ZNF675: variants seen among roughly 807,000 people sequenced by gnomAD.
ZNF675 encodes TRAF6 inhibitory zinc finger.
A neutral mutation model predicts 56.1 loss-of-function variants in ZNF675; 36 were observed. The observed-to-expected ratio is 0.64, with a 90% CI of 0.49 to 0.85. The LOEUF (loss-of-function observed/expected upper bound fraction) is 0.85, where lower values mean the gene tolerates loss of function less well. ZNF675 is among the 40% of genes least tolerant of loss of function. The probability of loss-of-function intolerance (pLI) is 0.00; values close to 1 mark genes in which losing one functional copy is unlikely to be tolerated. For synonymous variants in ZNF675, 200 were observed against 218.9 expected, an observed-to-expected ratio of 0.91 and a Z score of 0.76; for missense variants, 663 against 654.2, an observed-to-expected ratio of 1.01 and a Z score of -0.15.
At chr19:23,678,818 T>C (rs951701637) in intron 1 of ZNF675, among the ~76,000 whole-genome samples, 1 of 151,544 alleles carries the variant, frequency 6.6e-6, no homozygotes, top group Non-Finnish European at 1.5e-5. Context: ...CAAAGAGAAA[T>C]ACAGGAATAA....
At chr19:23,682,716 G>C (rs759110606) in intron 1 of ZNF675, among the ~76,000 whole-genome samples, 34 of 151,758 alleles carry the variant, frequency 2.2e-4, no homozygotes, top group Non-Finnish European at 4.0e-4. Flanking sequence ...TTTCATGTCT[G>C]AGTTATTCAC....
Position 23,662,938 on chromosome 19 carries a change from C to T in ZNF675, c.130+94G>A, listed in dbSNP as rs1599413268. On this transcript the variant is annotated intron_variant, in intron 2 of 3. Coordinates refer to ENST00000359788, the MANE Select transcript of ZNF675 (RefSeq NM_138330.3). ...GGCGGAGGTTGCAGTGAGCCAAGAT[C>T]GCACCACTGCACTCTAGCCTGGTGA... 3.1e-5 allele frequency: 37 copies of T among 1,206,394 alleles called. No homozygotes were observed. In the East Asian group the frequency reaches 9.0e-4, roughly 29 times the overall value. 74.7% of individuals were successfully genotyped at this position (1,206,394 alleles called of 1,614,324 possible). A position where few individuals can be genotyped will look rare whatever the true frequency, so the allele number is the denominator to read the frequency against.
chr19:23,675,982 CA>C (rs34823777), intron 1 of ZNF675, among the ~76,000 whole-genome samples: 113,164 of 134,666 alleles, frequency 0.84, 47,463 homozygotes, highest in Admixed American at 0.89. Flanking sequence ...AGAGAAGATC[CA>C]AAAAAAAAAA....
At position 23,653,237 on chromosome 19, in the gene ZNF675, A is replaced by G; in HGVS notation, c.1696T>C (p.Trp566Arg). ...KIHTGEKLQN[W>R]NV ...TGTCAAAATCATTATCACACATTCC[A>G]GTTCTGTAGTTTCTCTCCAGTATGT... The change falls in exon 4 of 4, where the codon TGG becomes CGG. Residue 566 changes from tryptophan (W) to arginine (R), a missense_variant. By Grantham distance (101) the Trp-to-Arg change is moderately radical (BLOSUM62 -3). Transcript: ENST00000359788. 1 of 1,592,890 alleles carries G rather than the reference A, an allele frequency of 6.3e-7. No individual in the cohort carries two copies. Among genetic ancestry groups the G allele is most frequent in the Non-Finnish European group, 8.5e-7 (1 of 1,170,394 alleles).
intron 3 of ZNF675, among the ~76,000 whole-genome samples, chr19:23,661,330 C>G (rs1371738890): frequency 1.3e-5 from 2 of 150,892 alleles, no homozygotes; most frequent in Admixed American, 1.3e-4. Flanking sequence ...ATGCCCAGCC[C>G]TTTATAATTT....
chr19:23,678,533 G>A lies in ZNF675; in HGVS notation c.3+8498C>T, dbSNP rs147824162. Reference sequence around the variant, plus strand: ...CCCAAAGTGCTGGGATTACAGGTATGAGCCACCACACCTGGCCTCAAAAAT... The same window carrying A: ...CCCAAAGTGCTGGGATTACAGGTATAAGCCACCACACCTGGCCTCAAAAAT... On this transcript the variant is annotated intron_variant, in intron 1 of 3. Coordinates refer to ENST00000359788, the MANE Select transcript of ZNF675 (RefSeq NM_138330.3). Among the ~76,000 whole-genome samples, 825 of 144,588 alleles carry A rather than the reference G, an allele frequency of 5.7e-3. 26 individuals are homozygous for A. Among genetic ancestry groups the A allele is most frequent in the African/African-American group, 0.022 (799 of 37,136 alleles). The allele number at this position is 144,588 out of a possible 152,430, so 94.9% of individuals were successfully genotyped here.
chr19:23,679,793 C>T (rs1968351824), intron 1 of ZNF675, among the ~76,000 whole-genome samples: 1 of 150,530 alleles, frequency 6.6e-6, no homozygotes, highest in Non-Finnish European at 1.5e-5. Context: ...GAGTTTGAAA[C>T]CAGTCTGGCC....
intron 3 of ZNF675, among the ~76,000 whole-genome samples, chr19:23,659,026 AAT>A (rs1568289366): frequency 6.8e-6 from 1 of 146,926 alleles, no homozygotes; most frequent in Non-Finnish European, 1.5e-5. Context: ...AATATATAAA[AAT>A]ATATATATTG....
intron 1 of ZNF675, among the ~76,000 whole-genome samples, chr19:23,668,121 C>T (rs556006075): frequency 6.6e-6 from 1 of 150,700 alleles, no homozygotes; most frequent in South Asian, 2.1e-4. Context: ...AACTGGTGCA[C>T]TCACAAACCC....
chr19:23,653,329 G>A lies in ZNF675; in HGVS notation c.1604C>T (p.Pro535Leu). 6.2e-7 allele frequency: 1 copy of A among 1,613,610 alleles called. No homozygotes were observed. The highest frequency in any genetic ancestry group is 8.5e-7 in the Non-Finnish European group (1 of 1,179,918). The stretch of plus-strand genomic sequence containing the variant: ...TTTGTCACATCTCTCACATTTATAG[G>A]GTTTCTCTCCAGTATGAATTATCTT... ...EHKIIHTGEKPYKCERCDKAF... is the reference protein window; with the variant it reads ...EHKIIHTGEKLYKCERCDKAF... Residue 535 changes from proline (P) to leucine (L), a missense_variant, in exon 4 of 4, where the codon CCC becomes CTC. Pro to Leu is a moderately conservative substitution (Grantham distance 98). Coordinates refer to ENST00000359788, the MANE Select transcript of ZNF675 (RefSeq NM_138330.3).
intron 3 of ZNF675, among the ~76,000 whole-genome samples, chr19:23,659,486 G>C: frequency 6.6e-6 from 1 of 152,060 alleles, no homozygotes; most frequent in East Asian, 1.9e-4. Context: ...TTAGAGAATT[G>C]CTTCAGGTTA....
intron 3 of ZNF675, chr19:23,655,000 C>A: frequency 4.4e-6 from 1 of 228,200 alleles, no homozygotes; most frequent in South Asian, 1.7e-4. Context: ...CTTTAGGAGG[C>A]TGAAGCGGGC....
Position 23,654,203 on chromosome 19 carries a change from T to A in ZNF675, c.730A>T (p.Thr244Ser). 1 of 1,614,056 alleles carries A rather than the reference T, an allele frequency of 6.2e-7. No homozygotes were observed. The highest frequency in any genetic ancestry group is 8.5e-7 in the Non-Finnish European group (1 of 1,179,986). The change falls in exon 4 of 4, where the codon ACT becomes TCT. Residue 244 changes from threonine (T) to serine (S), a missense_variant. Thr to Ser is a moderately conservative substitution (Grantham distance 58). This residue lies in a region of ZNF675 where 617 missense variants were observed against 590.5 expected (regional missense o/e 1.04). Transcript: ENST00000359788. ...CGAGCATAATCTTTTTTATATTCAG[T>A]AAGGTTTGAGAATTGGTTAAAAGTT... ...DRTFNQFSNL[T>S]EYKKDYAREK...
Position 23,654,717 on chromosome 19 carries a change from T to G in ZNF675, c.227-11A>C, listed in dbSNP as rs1347333067. The G allele has an allele frequency of 6.6e-7, 1 of 1,505,334 alleles. No individual in the cohort carries two copies. The highest frequency in any genetic ancestry group is 1.4e-5 in the African/African-American group (1 of 71,638). The allele number at this position is 1,505,334 out of a possible 1,614,324, so 93.2% of individuals were successfully genotyped here. The stretch of plus-strand genomic sequence containing the variant: ...AATGAGAACACATTACTGAAAGAAA[T>G]AAAAATAACACATTACTTTACAGAC... On this transcript the variant is annotated splice_polypyrimidine_tract_variant and intron_variant, in intron 3 of 3. Coordinates refer to ENST00000359788, the MANE Select transcript of ZNF675 (RefSeq NM_138330.3).
intron 1 of ZNF675, 63 bp downstream of exon 1, chr19:23,686,968 C>T: frequency 6.2e-7 from 1 of 1,605,992 alleles, no homozygotes; most frequent in Non-Finnish European, 8.5e-7. Context: ...CCGCCATAGC[C>T]ATTTCCCACG....
At chr19:23,662,682 T>A (rs1355417917) in intron 2 of ZNF675, among the ~76,000 whole-genome samples, 1 of 152,134 alleles carries the variant, frequency 6.6e-6, no homozygotes, top group Non-Finnish European at 1.5e-5. Flanking sequence ...TACGGTATAT[T>A]AGAAACTGTC....
rs1021617410 is a variant in ZNF675 at position 23,670,342 on chromosome 19, A to G, written c.4-7184T>C. ...ATGACGCTATCCTGCAATCAGGCCT[A>G]TTTTGCAAGAGGCAGGGCAAATGGT... On this transcript the variant is annotated intron_variant, in intron 1 of 3. Coordinates refer to ENST00000359788, the MANE Select transcript of ZNF675 (RefSeq NM_138330.3). Among the ~76,000 whole-genome samples, 104 of 152,266 alleles carry G rather than the reference A, an allele frequency of 6.8e-4. 2 individuals carry two copies. The highest frequency in any genetic ancestry group is 3.4e-3 in the Middle Eastern group (1 of 294).
intron 3 of ZNF675, among the ~76,000 whole-genome samples, chr19:23,658,862 A>T (rs190030540): frequency 6.5e-3 from 102 of 15,678 alleles, no homozygotes; most frequent in Non-Finnish European, 0.01. Context: ...TAGATATAGA[A>T]ATAGATCTAT....
At position 23,653,172 on chromosome 19, in the gene ZNF675, C is replaced by G. The variant is rs1056601103; in HGVS notation, c.*54G>C. The stretch of plus-strand genomic sequence containing the variant: ...TTCTTTACATTTCTAGAATTTTTCA[C>G]CAGTATGATTTCCTTTATATTTAGA... On this transcript the variant is annotated 3_prime_UTR_variant, in exon 4 of 4. Coordinates refer to ENST00000359788, the MANE Select transcript of ZNF675 (RefSeq NM_138330.3). 6.9e-7 allele frequency: 1 copy of G among 1,456,070 alleles called. No homozygotes were observed. Among genetic ancestry groups the G allele is most frequent in the Non-Finnish European group, 9.2e-7 (1 of 1,082,562 alleles). The allele number at this position is 1,456,070 out of a possible 1,614,324, so 90.2% of individuals were successfully genotyped here.
Sources: allele counts gnomAD v4.1 joint callset (sites outside exome capture counted in the v4.1 genomes callset), GRCh38; gene constraint gnomAD v4.1.1; regional missense constraint gnomAD v4.1.1; transcripts MANE v1.5; gene names NCBI Gene and HGNC (gene_info 2026-07-23, HGNC 2026-07-21).